Variants in RAB20 observed in about 807,000 individuals in gnomAD.
RAB20 encodes the protein ras-related protein Rab-20.
A neutral mutation model predicts 3.7 loss-of-function variants in RAB20; 2 were observed. That is an observed-to-expected ratio of 0.54 (90% CI 0.22 to 1.69). The LOEUF is 1.69. Ranked by LOEUF, RAB20 falls within the 40% of genes most tolerant of loss-of-function variation. RAB20 has a pLI of 0.19. For missense variants in RAB20, 276 were observed against 311.9 expected (o/e 0.88, Z 0.87); for synonymous variants, 126 against 130.8 (o/e 0.96, Z 0.25).
chr13:110,550,447 G>C (rs1884934003), intron 1 of RAB20, among the ~76,000 whole-genome samples: 1 of 152,196 alleles, frequency 6.6e-6, no homozygotes, highest in Non-Finnish European at 1.5e-5. Context: ...TTGCAACTAG[G>C]GGGAAGGAAG....
intron 1 of RAB20, among the ~76,000 whole-genome samples, chr13:110,556,716 T>C (rs1010859673): frequency 6.6e-6 from 1 of 151,850 alleles, no homozygotes; most frequent in African/African-American, 2.4e-5. Flanking sequence ...TTATTCTTTG[T>C]AGAAACCGTC....
chr13:110,535,887 A>C (rs1393819179), intron 1 of RAB20, among the ~76,000 whole-genome samples: 1 of 152,260 alleles, frequency 6.6e-6, no homozygotes. Context: ...CTGTTTAAAA[A>C]TGGAATCATA....
At chr13:110,541,816 CCACA>C (rs10624545) in intron 1 of RAB20, among the ~76,000 whole-genome samples, 20 of 149,418 alleles carry the variant, frequency 1.3e-4, no homozygotes, top group South Asian at 6.4e-4. Context: ...GAGTGTCCAG[CCACA>C]CACACACACA....
intron 1 of RAB20, among the ~76,000 whole-genome samples, chr13:110,525,800 G>A (rs995276577): frequency 5.3e-5 from 8 of 152,234 alleles, no homozygotes; most frequent in East Asian, 1.9e-4. Flanking sequence ...CTCTCAGGAA[G>A]CAGCTGTGGG....
chr13:110,537,260 T>C (rs1227836311), intron 1 of RAB20, among the ~76,000 whole-genome samples: 2 of 151,894 alleles, frequency 1.3e-5, no homozygotes, highest in East Asian at 1.9e-4. Flanking sequence ...GCCTCCCACA[T>C]TGGCCTCCCA....
intron 1 of RAB20, among the ~76,000 whole-genome samples, chr13:110,550,128 C>T (rs957588599): frequency 1.3e-5 from 2 of 152,082 alleles, no homozygotes; most frequent in African/African-American, 4.8e-5. Context: ...CCCAGAAAGC[C>T]GAGCACATGG....
chr13:110,560,693 C>A (rs576391207), intron 1 of RAB20, among the ~76,000 whole-genome samples: 1 of 152,248 alleles, frequency 6.6e-6, no homozygotes, highest in African/African-American at 2.4e-5. Context: ...CTAAGTTGTA[C>A]TTTTGAAAAG....
intron 1 of RAB20, among the ~76,000 whole-genome samples, chr13:110,525,487 C>A (rs446995): frequency 1.3e-5 from 2 of 152,092 alleles, no homozygotes; most frequent in Non-Finnish European, 1.5e-5. Flanking sequence ...CAAGGGGGCC[C>A]GCTCACCTCC....
At chr13:110,540,635 G>A (rs923709003) in intron 1 of RAB20, among the ~76,000 whole-genome samples, 6 of 151,910 alleles carry the variant, frequency 3.9e-5, no homozygotes, top group East Asian at 1.9e-4. Flanking sequence ...CCAGCTACTC[G>A]GGAGGCTGAG....
intron 1 of RAB20, among the ~76,000 whole-genome samples, chr13:110,524,858 G>C (rs1884400422): frequency 6.6e-6 from 1 of 152,150 alleles, no homozygotes; most frequent in Non-Finnish European, 1.5e-5. Context: ...CGGAATCCCT[G>C]AGGAGCCAGG....
intron 1 of RAB20, among the ~76,000 whole-genome samples, chr13:110,556,453 T>A (rs1885040988): frequency 6.6e-6 from 1 of 152,216 alleles, no homozygotes; most frequent in Non-Finnish European, 1.5e-5. Context: ...CTGCAAGCTT[T>A]GACTTTAGCC....
In RAB20 at chr13:110,528,306, C is replaced by T. The variant is rs949329487; in HGVS notation, c.173-4109G>A. Among the ~76,000 whole-genome samples the T allele has an allele frequency of 1.2e-4, 18 of 149,938 alleles. No homozygotes were observed. In the South Asian group the frequency reaches 1.3e-3, roughly 11 times the overall value. On this transcript the variant is annotated intron_variant, in intron 1 of 1. Coordinates refer to ENST00000267328, the MANE Select transcript of RAB20 (RefSeq NM_017817.3). ...TGGCATGTGCCTATAATCCCAGCTA[C>T]TTGGGAGGCTGAGGCAGGAGAACTG...
intron 1 of RAB20, among the ~76,000 whole-genome samples, chr13:110,537,821 A>G (rs891211862): frequency 1.2e-4 from 19 of 152,202 alleles, no homozygotes; most frequent in Non-Finnish European, 2.1e-4. Context: ...CCCAGATGAG[A>G]CAAGCATGCA....
At chr13:110,532,352 G>A (rs1457157130) in intron 1 of RAB20, among the ~76,000 whole-genome samples, 1 of 152,330 alleles carries the variant, frequency 6.6e-6, no homozygotes, top group Non-Finnish European at 1.5e-5. Context: ...TGCAAACACT[G>A]AGACAACAGG....
intron 1 of RAB20, among the ~76,000 whole-genome samples, chr13:110,530,865 C>G (rs1262646646): frequency 2.0e-5 from 3 of 152,232 alleles, no homozygotes; most frequent in Non-Finnish European, 4.4e-5. Flanking sequence ...ATTTACAGAT[C>G]TAAAAACACA....
intron 1 of RAB20, among the ~76,000 whole-genome samples, chr13:110,527,691 G>A (rs1884453371): frequency 6.6e-6 from 1 of 152,130 alleles, no homozygotes; most frequent in East Asian, 1.9e-4. Context: ...TTCCAGTCAA[G>A]CTGGACTGGA....
intron 1 of RAB20, among the ~76,000 whole-genome samples, chr13:110,544,953 A>G (rs1368459517): frequency 2.0e-5 from 3 of 152,194 alleles, no homozygotes; most frequent in Admixed American, 2.0e-4. Context: ...GTGGTAGTAA[A>G]TAACTCTCAT....
intron 1 of RAB20, among the ~76,000 whole-genome samples, chr13:110,535,436 G>A (rs1252913831): frequency 6.6e-6 from 1 of 152,224 alleles, no homozygotes; most frequent in East Asian, 1.9e-4. Flanking sequence ...AATAACACAT[G>A]AGGCTAATTC....
At chr13:110,549,013 C>T (rs1248376222) in intron 1 of RAB20, among the ~76,000 whole-genome samples, 1 of 152,248 alleles carries the variant, frequency 6.6e-6, no homozygotes, top group African/African-American at 2.4e-5. Context: ...TGATTCCAAA[C>T]TTCCCAGGCC....
Sources: gnomAD v4.1 joint callset for allele counts (sites outside exome capture counted in the v4.1 genomes callset) on GRCh38, gnomAD v4.1.1 for gene constraint, MANE v1.5 for transcripts, NCBI Gene and HGNC (gene_info 2026-07-23, HGNC 2026-07-21) for gene names.